OPCML: variants seen among roughly 807,000 people sequenced by gnomAD.
The protein encoded by OPCML is opioid binding protein/cell adhesion molecule like, also known as opioid-binding protein/cell adhesion molecule.
In OPCML, 13 loss-of-function variants were observed where a neutral mutation model predicts 37.8. The ratio of observed to expected loss-of-function variants is 0.34; its 90% CI spans 0.22 to 0.55. The LOEUF (loss-of-function observed/expected upper bound fraction) is 0.55, where lower values mean the gene tolerates loss of function less well. Among genes scored for constraint, OPCML ranks in the 20% least tolerant of loss-of-function variants. The probability of loss-of-function intolerance (pLI) is 0.91; values close to 1 mark genes in which losing one functional copy is unlikely to be tolerated. For missense variants in OPCML, 341 were observed against 435.6 expected, an observed-to-expected ratio of 0.78 and a Z score of 1.93; for synonymous variants, 176 against 168.8, an observed-to-expected ratio of 1.04 and a Z score of -0.33.
intron 7 of OPCML, among the ~76,000 whole-genome samples, chr11:132,434,477 T>G (rs1281000307): frequency 6.6e-6 from 1 of 152,158 alleles, no homozygotes; most frequent in Non-Finnish European, 1.5e-5. Context: ...GCTGACGCTG[T>G]GGGCAAATGC....
At chr11:133,476,328 T>A (rs1455515679) in intron 1 of OPCML, among the ~76,000 whole-genome samples, 2 of 151,720 alleles carry the variant, frequency 1.3e-5, no homozygotes, top group Non-Finnish European at 2.9e-5. Flanking sequence ...CAGAGAGAAG[T>A]GAGTAAAGAG....
At chr11:133,329,504 G>C (rs1943566501) in intron 1 of OPCML, among the ~76,000 whole-genome samples, 1 of 152,144 alleles carries the variant, frequency 6.6e-6, no homozygotes, top group Non-Finnish European at 1.5e-5. Context: ...CAATGGAACA[G>C]AACAGAGTCC....
At chr11:133,005,580 T>C (rs777040344) in intron 1 of OPCML, 1 of 985,178 alleles carries the variant, frequency 1.0e-6, no homozygotes, top group Non-Finnish European at 1.2e-6. Context: ...ATATATCCCT[T>C]TCCTTAGGGA....
intron 1 of OPCML, among the ~76,000 whole-genome samples, chr11:133,453,470 T>C (rs1030472142): frequency 6.6e-6 from 1 of 152,222 alleles, no homozygotes; most frequent in Non-Finnish European, 1.5e-5. Flanking sequence ...TTAATTTTCC[T>C]ACAAGGATAT....
At chr11:132,565,256 C>G (rs2096419747) in intron 3 of OPCML, among the ~76,000 whole-genome samples, 1 of 152,150 alleles carries the variant, frequency 6.6e-6, no homozygotes, top group Non-Finnish European at 1.5e-5. Context: ...GCCAATATTT[C>G]CAAACACTAA....
At chr11:132,599,356 G>A (rs1310751315) in intron 3 of OPCML, among the ~76,000 whole-genome samples, 1 of 136,262 alleles carries the variant, frequency 7.3e-6, no homozygotes, top group East Asian at 2.3e-4. Context: ...GGAAGAAGGA[G>A]GAGAAGGAGG....
At chr11:133,134,605 C>T (rs1949655241) in intron 1 of OPCML, among the ~76,000 whole-genome samples, 1 of 152,202 alleles carries the variant, frequency 6.6e-6, no homozygotes. Context: ...TGCGTCGCCT[C>T]GGCCATGGGC....
At chr11:133,384,960 C>T (rs1224811825) in intron 1 of OPCML, among the ~76,000 whole-genome samples, 12 of 152,210 alleles carry the variant, frequency 7.9e-5, no homozygotes, top group African/African-American at 2.9e-4. Flanking sequence ...ACACAGAGGC[C>T]GGCCAGATCC....
intron 1 of OPCML, among the ~76,000 whole-genome samples, chr11:133,369,415 C>G (rs963439033): frequency 3.3e-5 from 5 of 152,080 alleles, no homozygotes; most frequent in Non-Finnish European, 7.4e-5. Flanking sequence ...TTTCCAAAAG[C>G]AAGAAAGGCC....
At chr11:132,600,023 C>T (rs1230014252) in intron 3 of OPCML, among the ~76,000 whole-genome samples, 1 of 152,178 alleles carries the variant, frequency 6.6e-6, no homozygotes, top group Non-Finnish European at 1.5e-5. Flanking sequence ...AAGATTCGCT[C>T]TAGTCAAAGA....
chr11:133,272,420 A>C (rs914209538), intron 1 of OPCML, among the ~76,000 whole-genome samples: 1 of 152,210 alleles, frequency 6.6e-6, no homozygotes, highest in Non-Finnish European at 1.5e-5. Context: ...CCCACAAAGC[A>C]CTATATTATG....
chr11:132,420,213 G>A lies in OPCML; in HGVS notation c.997C>T (p.His333Tyr), dbSNP rs771254331. 1.4e-5 allele frequency: 23 copies of A among 1,613,736 alleles called. No individual in the cohort carries two copies. In the East Asian group the frequency reaches 5.1e-4, roughly 36 times the overall value. Reference sequence around the variant, plus strand: ...TCTTATCAAAACTTGATGAAGAAGTGGGCTAAGAGGGTCCCTGATAGCCAG... The same window carrying A: ...TCTTATCAAAACTTGATGAAGAAGTAGGCTAAGAGGGTCCCTGATAGCCAG... ...CLWLSGTLLA[H>Y]FFIKF is the part of the protein sequence containing the mutation. Residue 333 changes from histidine to tyrosine, a missense_variant, in exon 8 of 8, where the codon CAC (histidine) becomes TAC (tyrosine). Transcript: ENST00000524381.
intron 1 of OPCML, among the ~76,000 whole-genome samples, chr11:133,447,838 C>A (rs1050565747): frequency 6.6e-6 from 1 of 152,182 alleles, no homozygotes; most frequent in Non-Finnish European, 1.5e-5. Flanking sequence ...ACATACAATG[C>A]AAGTATTTTT....
chr11:132,964,906 A>C (rs1380177179), intron 1 of OPCML, among the ~76,000 whole-genome samples: 2 of 152,196 alleles, frequency 1.3e-5, no homozygotes, highest in Non-Finnish European at 1.5e-5. Context: ...CATCAAGCAG[A>C]GACTGGTGGA....
Position 133,279,263 on chromosome 11 carries a change from TC to T in OPCML, c.61+253000del, listed in dbSNP as rs567530130. Among the ~76,000 whole-genome samples, 407 of 152,304 alleles carry T rather than the reference TC, an allele frequency of 2.7e-3. 1 individual carries two copies. Among genetic ancestry groups the T allele is most frequent in the African/African-American group, 8.7e-3 (363 of 41,558 alleles). On this transcript the variant is annotated intron_variant, in intron 1 of 7. Coordinates refer to ENST00000524381, the MANE Select transcript of OPCML (RefSeq NM_001012393.5). Reference sequence around the variant, plus strand: ...TCGTCATCATGTTGTGGTTAAATGATCCCCGGTGCTCTGATCCTCTCAGAAT... The same window carrying T: ...TCGTCATCATGTTGTGGTTAAATGATCCCGGTGCTCTGATCCTCTCAGAAT...
intron 2 of OPCML, among the ~76,000 whole-genome samples, chr11:132,675,503 C>T (rs987202922): frequency 2.6e-5 from 4 of 151,968 alleles, no homozygotes; most frequent in Admixed American, 2.6e-4. Context: ...AAATATGTCT[C>T]TGCGAATGAA....
chr11:132,569,278 G>A (rs2096431758), intron 3 of OPCML, among the ~76,000 whole-genome samples: 1 of 152,208 alleles, frequency 6.6e-6, no homozygotes, highest in South Asian at 2.1e-4. Flanking sequence ...AGGAAATTAG[G>A]ACACAGATAT....
intron 1 of OPCML, among the ~76,000 whole-genome samples, chr11:133,129,958 T>A (rs950436368): frequency 1.3e-5 from 2 of 151,854 alleles, no homozygotes; most frequent in African/African-American, 4.8e-5. Context: ...AAAATATGAT[T>A]CATATTGAAA....
intron 1 of OPCML, among the ~76,000 whole-genome samples, chr11:133,338,873 T>A (rs1346924966): frequency 6.6e-6 from 1 of 152,182 alleles, no homozygotes; most frequent in East Asian, 1.9e-4. Flanking sequence ...TGGGAAGAGA[T>A]GTTCAAAGAG....
Sources: gnomAD v4.1 joint callset for allele counts (sites outside exome capture counted in the v4.1 genomes callset) on GRCh38, gnomAD v4.1.1 for gene constraint, MANE v1.5 for transcripts, NCBI Gene and HGNC (gene_info 2026-07-23, HGNC 2026-07-21) for gene names.